KIAA1549L: variants seen among roughly 807,000 people sequenced by gnomAD.
KIAA1549L encodes KIAA1549 like.
A neutral mutation model predicts 160.7 loss-of-function variants in KIAA1549L; 88 were observed. The observed-to-expected ratio is 0.55, with a 90% CI of 0.46 to 0.65. The LOEUF is 0.65. Ranked by LOEUF, KIAA1549L falls within the 30% of genes least tolerant of loss-of-function variation. The pLI is 0.00. For missense variants in KIAA1549L, 2,258 were observed against 2,437.5 expected (o/e 0.93, Z 1.55); for synonymous variants, 950 against 976.7 (o/e 0.97, Z 0.51).
intron 16 of KIAA1549L, among the ~76,000 whole-genome samples, chr11:33,618,946 A>C (rs956097365): frequency 2.0e-5 from 3 of 152,106 alleles, no homozygotes; most frequent in African/African-American, 7.2e-5. Context: ...CCCTTAATTT[A>C]TTTTCCCCTC....
At chr11:33,483,420 T>G (rs562164059) in intron 1 of KIAA1549L, among the ~76,000 whole-genome samples, 6 of 152,098 alleles carry the variant, frequency 3.9e-5, no homozygotes, top group Non-Finnish European at 8.8e-5. Context: ...CCTAGAGACC[T>G]TAGCTAATCT....
At chr11:33,641,020 G>A (rs775897886) in intron 16 of KIAA1549L, among the ~76,000 whole-genome samples, 15 of 152,172 alleles carry the variant, frequency 9.9e-5, no homozygotes, top group Non-Finnish European at 1.5e-4. Flanking sequence ...TCAAATAAAA[G>A]CAAAAGGCAT....
In KIAA1549L at chr11:33,672,837, ATACT is replaced by A. The variant is rs1367802302; in HGVS notation, c.*4685_*4688del. On this transcript the variant is annotated 3_prime_UTR_variant, in exon 21 of 21. Transcript: ENST00000658780. ...CAATGTCTTGCTCAGCAGACAATAA[ATACT>A]TGTAAATTGAATTGCATGATCTTAG... 2.0e-5 allele frequency: 3 copies of A among 153,792 alleles called. No homozygotes were observed. Among genetic ancestry groups the A allele is most frequent in the African/African-American group, 7.2e-5 (3 of 41,466 alleles). 9.5% of individuals were successfully genotyped at this position (153,792 alleles called of 1,614,324 possible). A position where few individuals can be genotyped will look rare whatever the true frequency, so the allele number is the denominator to read the frequency against.
At chr11:33,620,058 C>A (rs553904762) in intron 16 of KIAA1549L, among the ~76,000 whole-genome samples, 1 of 152,288 alleles carries the variant, frequency 6.6e-6, no homozygotes, top group African/African-American at 2.4e-5. Flanking sequence ...GGCAAAGACA[C>A]CTTGACAGTT....
intron 15 of KIAA1549L, among the ~76,000 whole-genome samples, chr11:33,611,255 T>A (rs1310600783): frequency 6.6e-6 from 1 of 152,120 alleles, no homozygotes; most frequent in Non-Finnish European, 1.5e-5. Context: ...TTGAGCATGC[T>A]CCCACCCCGA....
chr11:33,643,799 C>T (rs1036596543), intron 16 of KIAA1549L, among the ~76,000 whole-genome samples: 1 of 152,214 alleles, frequency 6.6e-6, no homozygotes, highest in African/African-American at 2.4e-5. Flanking sequence ...CTCTGAAATT[C>T]AGTTCTGAAT....
At chr11:33,439,569 AT>A (rs34456047) in intron 1 of KIAA1549L, among the ~76,000 whole-genome samples, 25,479 of 123,910 alleles carry the variant, frequency 0.21, 2,658 homozygotes, top group Middle Eastern at 0.29. Flanking sequence ...TGCCCGGCTA[AT>A]TTTTTTTTTT....
In KIAA1549L at chr11:33,669,299, G is replaced by A. The variant is rs536782579; in HGVS notation, c.*1145G>A. On this transcript the variant is annotated 3_prime_UTR_variant, in exon 21 of 21. Transcript: ENST00000658780. ...ACATAGGAAGACATTTGCTGAAATG[G>A]TAGGGTGGCCACTTTGTGACCATGA... 23 of 152,336 alleles carry A rather than the reference G, an allele frequency of 1.5e-4. No individual in the cohort carries two copies. The highest frequency in any genetic ancestry group is 5.3e-4 in the African/African-American group (22 of 41,584). The allele number at this position is 152,336 out of a possible 1,614,324, so 9.4% of individuals were successfully genotyped here.
intron 1 of KIAA1549L, among the ~76,000 whole-genome samples, chr11:33,378,635 C>T (rs1052562630): frequency 2.6e-5 from 4 of 152,194 alleles, no homozygotes; most frequent in South Asian, 2.1e-4. Context: ...CCGAGCGACT[C>T]GTTGCTTCCT....
At chr11:33,402,136 T>G (rs750820583) in intron 1 of KIAA1549L, among the ~76,000 whole-genome samples, 1 of 152,202 alleles carries the variant, frequency 6.6e-6, no homozygotes, top group Non-Finnish European at 1.5e-5. Context: ...TTCCCTCTTA[T>G]GGACACTTCA....
intron 1 of KIAA1549L, among the ~76,000 whole-genome samples, chr11:33,475,227 C>T (rs1486505630): frequency 6.6e-6 from 1 of 152,154 alleles, no homozygotes; most frequent in South Asian, 2.1e-4. Flanking sequence ...AGTTTTGCCT[C>T]TTCTGGTACT....
chr11:33,641,590 A>ACACAG (rs1851583639), intron 16 of KIAA1549L, among the ~76,000 whole-genome samples: 1 of 7,030 alleles, frequency 1.4e-4, no homozygotes, highest in Non-Finnish European at 2.2e-4. Flanking sequence ...ATATATATAT[A>ACACAG]TATATATATA....
At chr11:33,458,545 T>C (rs148518417) in intron 1 of KIAA1549L, among the ~76,000 whole-genome samples, 1 of 151,370 alleles carries the variant, frequency 6.6e-6, no homozygotes, top group East Asian at 1.9e-4. Context: ...GGGAGAAGAG[T>C]AGGGAGATGA....
In KIAA1549L at chr11:33,547,855, C is replaced by T. The variant is rs777674877; in HGVS notation, c.3477C>T (p.Phe1159=). The change falls in exon 4 of 21, where the codon TTC becomes TTT. Residue 1159 remains phenylalanine, a synonymous_variant. Transcript: ENST00000658780. The stretch of plus-strand genomic sequence containing the variant: ...TCACACAGGCATTGCGGAAGGCTTT[C>T]CACCAGAACGATGTCTCAGCTCACG... ...KGLTQALRKA[F]HQNDVSAHVD... is the part of the protein sequence containing the mutation. 2.5e-6 allele frequency: 4 copies of T among 1,612,748 alleles called. No homozygotes were observed. The highest frequency in any genetic ancestry group is 3.3e-5 in the Admixed American group (2 of 59,952).
At chr11:33,546,284 ATCTC>A (rs1394652258) in intron 3 of KIAA1549L, among the ~76,000 whole-genome samples, 1 of 152,174 alleles carries the variant, frequency 6.6e-6, no homozygotes, top group African/African-American at 2.4e-5. Flanking sequence ...AAATTACAGT[ATCTC>A]TCTCTGTTTC....
At chr11:33,635,615 A>C (rs1485423491) in intron 16 of KIAA1549L, among the ~76,000 whole-genome samples, 1 of 152,030 alleles carries the variant, frequency 6.6e-6, no homozygotes. Flanking sequence ...CTAACTCAAG[A>C]AATTCTAGAA....
At position 33,662,875 on chromosome 11, in the gene KIAA1549L, T is replaced by C. The variant is rs79862822; in HGVS notation, c.6159+1861T>C. ...AAATGGAAATGTAACCTTCCTGCCA[T>C]GATGACTGTACTGGACCCTTCTGGG... On this transcript the variant is annotated intron_variant, in intron 20 of 20. Transcript: ENST00000658780. Among the ~76,000 whole-genome samples the C allele has an allele frequency of 4.2e-3, 642 of 152,272 alleles. 7 individuals are homozygous for C. The highest frequency in any genetic ancestry group is 0.015 in the African/African-American group (621 of 41,548).
At chr11:33,560,118 T>G (rs775222228) in intron 7 of KIAA1549L, among the ~76,000 whole-genome samples, 2 of 152,230 alleles carry the variant, frequency 1.3e-5, no homozygotes, top group Non-Finnish European at 1.5e-5. Flanking sequence ...GGACTAAGAA[T>G]TGATGAAAAG....
intron 20 of KIAA1549L, among the ~76,000 whole-genome samples, chr11:33,665,827 G>A (rs1357876027): frequency 1.3e-5 from 2 of 152,118 alleles, no homozygotes; most frequent in East Asian, 3.9e-4. Flanking sequence ...GAAGAGAGAG[G>A]CCAGGCAGCA....
Sources: allele counts gnomAD v4.1 joint callset (sites outside exome capture counted in the v4.1 genomes callset), GRCh38; gene constraint gnomAD v4.1.1; transcripts MANE v1.5; gene names NCBI Gene and HGNC (gene_info 2026-07-23, HGNC 2026-07-21).